The following SYN2 variants were observed in gnomAD, a reference collection of about 807,000 sequenced individuals.
The protein encoded by SYN2 is synapsin II, also known as synapsin-2.
In SYN2, 19 loss-of-function variants were observed where a neutral mutation model predicts 50.9. The ratio of observed to expected loss-of-function variants is 0.37; its 90% CI spans 0.26 to 0.55. SYN2 has a LOEUF of 0.55. SYN2 is among the 20% of genes least tolerant of loss of function. The pLI is 0.81. For missense variants in SYN2, 587 were observed against 576.4 expected (o/e 1.02, Z -0.19); for synonymous variants, 255 against 224.9 (o/e 1.13, Z -1.20).
intron 1 of SYN2, among the ~76,000 whole-genome samples, chr3:12,027,010 T>C (rs1694275835): frequency 6.6e-6 from 1 of 152,296 alleles, no homozygotes; most frequent in South Asian, 2.1e-4. Context: ...CGCGTAATGC[T>C]TGTATAAAAT....
chr3:12,061,525 C>G (rs1695112624), intron 1 of SYN2, among the ~76,000 whole-genome samples: 1 of 152,062 alleles, frequency 6.6e-6, no homozygotes, highest in Admixed American at 6.6e-5. Flanking sequence ...TATTAGTCAA[C>G]ATCATATTGG....
chr3:12,063,067 G>T (rs187784417), intron 1 of SYN2, among the ~76,000 whole-genome samples: 2 of 151,878 alleles, frequency 1.3e-5, no homozygotes, highest in East Asian at 3.9e-4. Flanking sequence ...GGTGTTTGCC[G>T]GGGGGAAGGA....
chr3:12,108,918 A>G (rs769334123), intron 1 of SYN2, among the ~76,000 whole-genome samples: 8 of 152,008 alleles, frequency 5.3e-5, no homozygotes, highest in African/African-American at 7.3e-5. Context: ...GAAAAACTCA[A>G]ATATCCATTC....
intron 10 of SYN2, among the ~76,000 whole-genome samples, chr3:12,180,596 A>G (rs1458967961): frequency 6.6e-6 from 1 of 152,174 alleles, no homozygotes; most frequent in African/African-American, 2.4e-5. Flanking sequence ...CTGGCAAGGG[A>G]CAGTCCTTGG....
At position 12,187,768 on chromosome 3, in the gene SYN2, T is replaced by TTGTG. The variant is rs35996249; in HGVS notation, c.1613+176_1613+179dup. On this transcript the variant is annotated intron_variant, in intron 12 of 12. Transcript: ENST00000621198. ...TTTTTTGTTAGTTTGTTTTTGGTTT[T>TTGTG]TGTGTGTGTGTGTGTGTGTGTGTTT... 2.8e-3 allele frequency among the ~76,000 whole-genome samples: 414 copies of TTGTG among 150,018 alleles called. 3 individuals carry two copies. The highest frequency in any genetic ancestry group is 9.1e-3 in the African/African-American group (374 of 40,938).
intron 10 of SYN2, among the ~76,000 whole-genome samples, chr3:12,181,525 C>T (rs1376517997): frequency 2.6e-5 from 4 of 152,162 alleles, no homozygotes; most frequent in African/African-American, 9.7e-5. Context: ...CTGAAGCAAC[C>T]AGGAGTGCTG....
chr3:12,063,792 A>G (rs1181155541), intron 1 of SYN2, among the ~76,000 whole-genome samples: 3 of 152,054 alleles, frequency 2.0e-5, no homozygotes, highest in East Asian at 1.9e-4. Flanking sequence ...ATAATCCAAA[A>G]TAATAAATAT....
At chr3:12,164,731 G>T (rs1697738338) in intron 7 of SYN2, among the ~76,000 whole-genome samples, 1 of 152,140 alleles carries the variant, frequency 6.6e-6, no homozygotes, top group Non-Finnish European at 1.5e-5. Context: ...TAGCCTGTAT[G>T]GATCTATGCC....
chr3:12,070,483 A>G, intron 1 of SYN2: 2 of 628,090 alleles, frequency 3.2e-6, no homozygotes, highest in Non-Finnish European at 6.0e-6. Flanking sequence ...GATGACATGA[A>G]GAAGATTTGG....
intron 5 of SYN2, among the ~76,000 whole-genome samples, chr3:12,155,729 A>G (rs1239606167): frequency 1.3e-5 from 2 of 152,198 alleles, no homozygotes; most frequent in African/African-American, 4.8e-5. Flanking sequence ...ACCCTCAGTT[A>G]GACTTGACCT....
intron 1 of SYN2, among the ~76,000 whole-genome samples, chr3:12,082,924 G>T (rs763653307): frequency 3.8e-4 from 58 of 152,212 alleles, no homozygotes; most frequent in Non-Finnish European, 7.2e-4. Flanking sequence ...TGCCCCTTGA[G>T]AGAGTCCATT....
At chr3:12,013,472 CTTTAGTCCAAAACT>C (rs909526830) in intron 1 of SYN2, among the ~76,000 whole-genome samples, 1 of 152,114 alleles carries the variant, frequency 6.6e-6, no homozygotes, top group African/African-American at 2.4e-5. Context: ...TAATCATTAC[CTTTAGTCCAAAACT>C]TTGTCCTCAT....
At chr3:12,136,647 A>T (rs1574960137) in intron 1 of SYN2, among the ~76,000 whole-genome samples, 1 of 152,314 alleles carries the variant, frequency 6.6e-6, no homozygotes, top group East Asian at 1.9e-4. Context: ...TGTTAGGTGG[A>T]TGGGAATTGA....
rs796837275 is a variant in SYN2 at position 12,104,570 on chromosome 3, C to CTTTTTTTTTTTT, written c.378-36070_378-36059dup. On this transcript the variant is annotated intron_variant, in intron 1 of 12. Coordinates refer to ENST00000621198, the MANE Select transcript of SYN2 (RefSeq NM_133625.6). ...ATGTGAAACATTTTTCTTTTCTTTT[C>CTTTTTTTTTTTT]TTTTTTTTTTTTTTTTTTTTTTGAG... 2.7e-3 allele frequency among the ~76,000 whole-genome samples: 220 copies of CTTTTTTTTTTTT among 81,716 alleles called. 2 individuals carry two copies. Among genetic ancestry groups the CTTTTTTTTTTTT allele is most frequent in the African/African-American group, 4.1e-3 (82 of 19,844 alleles). 53.6% of individuals were successfully genotyped at this position (81,716 alleles called of 152,430 possible). A position where few individuals can be genotyped will look rare whatever the true frequency, so the allele number is the denominator to read the frequency against.
chr3:12,038,091 T>G (rs1464586002), intron 1 of SYN2, among the ~76,000 whole-genome samples: 1 of 152,212 alleles, frequency 6.6e-6, no homozygotes, highest in Non-Finnish European at 1.5e-5. Flanking sequence ...GTATATGCTG[T>G]GAAGAGTCCA....
chr3:12,108,809 A>T (rs1316042374), intron 1 of SYN2, among the ~76,000 whole-genome samples: 1 of 23,392 alleles, frequency 4.3e-5, no homozygotes, highest in Non-Finnish European at 2.3e-4. Flanking sequence ...GGTTGGGTTT[A>T]AAAAAAAAAA....
intron 1 of SYN2, among the ~76,000 whole-genome samples, chr3:12,062,992 G>C (rs1695145765): frequency 1.3e-5 from 2 of 151,914 alleles, no homozygotes; most frequent in Non-Finnish European, 2.9e-5. Context: ...AAAGGCTACA[G>C]GCTACATGAG....
intron 1 of SYN2, among the ~76,000 whole-genome samples, chr3:12,106,543 G>A (rs938202674): frequency 1.3e-5 from 2 of 152,056 alleles, no homozygotes; most frequent in South Asian, 2.1e-4. Context: ...ACATCATAAC[G>A]TTTAGTAAAT....
chr3:12,045,623 A>AATT (rs1694720584), intron 1 of SYN2, among the ~76,000 whole-genome samples: 1 of 152,174 alleles, frequency 6.6e-6, no homozygotes, highest in African/African-American at 2.4e-5. Flanking sequence ...GCCCGTAGAC[A>AATT]ATTAATCTTC....
Sources: gnomAD v4.1 joint callset for allele counts (sites outside exome capture counted in the v4.1 genomes callset) on GRCh38, gnomAD v4.1.1 for gene constraint, MANE v1.5 for transcripts, NCBI Gene and HGNC (gene_info 2026-07-23, HGNC 2026-07-21) for gene names.